The following AK7 variants were observed in gnomAD, a reference collection of about 807,000 sequenced individuals.
The protein encoded by AK7 is adenylate kinase 7.
AK7 carries 78 observed loss-of-function variants against 96.6 expected under a neutral mutation model. The observed-to-expected ratio is 0.81, with a 90% CI of 0.67 to 0.97. The LOEUF is 0.97. Ranked by LOEUF, AK7 falls within the 50% of genes least tolerant of loss-of-function variation. The probability of loss-of-function intolerance (pLI) is 0.00; values close to 1 mark genes in which losing one functional copy is unlikely to be tolerated. For missense variants in AK7, 855 were observed against 887.9 expected (o/e 0.96, Z 0.47); for synonymous variants, 302 against 317.2 (o/e 0.95, Z 0.51).
chr14:96,413,900 G>T (rs550927479), intron 4 of AK7, among the ~76,000 whole-genome samples: 2 of 152,310 alleles, frequency 1.3e-5, no homozygotes, highest in South Asian at 2.1e-4. Context: ...CACTGCCCAT[G>T]AAATCTAGAG....
At chr14:96,442,472 C>A (rs1893011089) in intron 6 of AK7, among the ~76,000 whole-genome samples, 1 of 151,976 alleles carries the variant, frequency 6.6e-6, no homozygotes, top group Non-Finnish European at 1.5e-5. Context: ...TTTCTCTTGG[C>A]AGAATTTGAT....
Position 96,484,503 on chromosome 14 carries a change from C to G in AK7, c.1974+1284C>G, listed in dbSNP as rs577100731. On this transcript the variant is annotated intron_variant, in intron 16 of 17. Coordinates refer to ENST00000267584, the MANE Select transcript of AK7 (RefSeq NM_152327.5). Reference sequence around the variant, plus strand: ...CAATTTGATAAAAATCCAAACTTGTCATTGTGGTCAAGGTCCTTTGTGACC... The same window carrying G: ...CAATTTGATAAAAATCCAAACTTGTGATTGTGGTCAAGGTCCTTTGTGACC... 2.0e-5 allele frequency among the ~76,000 whole-genome samples: 3 copies of G among 152,278 alleles called. No homozygotes were observed. The East Asian group carries it at 5.8e-4, about 29-fold the overall frequency.
At chr14:96,411,795 G>A (rs993272781) in intron 4 of AK7, among the ~76,000 whole-genome samples, 19 of 152,184 alleles carry the variant, frequency 1.2e-4, no homozygotes, top group Non-Finnish European at 2.2e-4. Context: ...GCATCCGTTC[G>A]AAGTCAGAGT....
At chr14:96,436,420 G>A (rs1470681930) in intron 5 of AK7, among the ~76,000 whole-genome samples, 1 of 152,088 alleles carries the variant, frequency 6.6e-6, no homozygotes, top group Admixed American at 6.6e-5. Flanking sequence ...CGAGGCAGGT[G>A]AATCACTTGA....
intron 4 of AK7, among the ~76,000 whole-genome samples, chr14:96,419,371 T>C (rs1258575859): frequency 6.6e-6 from 1 of 152,246 alleles, no homozygotes; most frequent in Non-Finnish European, 1.5e-5. Flanking sequence ...GGCTCATGCC[T>C]GTAATCCCAC....
At chr14:96,397,740 G>T (rs1379640403) in intron 1 of AK7, among the ~76,000 whole-genome samples, 1 of 152,168 alleles carries the variant, frequency 6.6e-6, no homozygotes, top group African/African-American at 2.4e-5. Flanking sequence ...AATAACCTAT[G>T]TGGCTCCTAT....
chr14:96,451,059 C>T (rs933362329), intron 9 of AK7, among the ~76,000 whole-genome samples: 3 of 152,112 alleles, frequency 2.0e-5, no homozygotes, highest in Non-Finnish European at 4.4e-5. Flanking sequence ...CAGGCATGAG[C>T]CACGGCACTC....
intron 12 of AK7, among the ~76,000 whole-genome samples, chr14:96,459,442 G>T (rs1894133736): frequency 6.6e-6 from 1 of 152,044 alleles, no homozygotes; most frequent in South Asian, 2.1e-4. Context: ...CAACCAATCA[G>T]TTGGTTGTCC....
chr14:96,430,095 G>A (rs1892260836), intron 5 of AK7, among the ~76,000 whole-genome samples: 1 of 151,954 alleles, frequency 6.6e-6, no homozygotes, highest in East Asian at 1.9e-4. Context: ...TATTGGCTGT[G>A]GGTTTGTCAT....
chr14:96,439,280 T>C (rs981321989), intron 6 of AK7, among the ~76,000 whole-genome samples: 1 of 151,654 alleles, frequency 6.6e-6, no homozygotes. Context: ...CCCTCCAATA[T>C]TGGAGGTTAT....
At chr14:96,459,703 C>G (rs1272588057) in intron 12 of AK7, among the ~76,000 whole-genome samples, 1 of 151,560 alleles carries the variant, frequency 6.6e-6, no homozygotes, top group Non-Finnish European at 1.5e-5. Context: ...GATGATGAAA[C>G]CCGTCTCTAC....
chr14:96,421,123 C>T (rs1891664822), intron 5 of AK7, among the ~76,000 whole-genome samples, 191 bp downstream of exon 5: 1 of 152,272 alleles, frequency 6.6e-6, no homozygotes, highest in South Asian at 2.1e-4. Flanking sequence ...CCCAGCCGAG[C>T]TTGAGCCATC....
intron 4 of AK7, among the ~76,000 whole-genome samples, chr14:96,418,566 T>A (rs924122522): frequency 6.6e-6 from 1 of 152,132 alleles, no homozygotes; most frequent in African/African-American, 2.4e-5. Context: ...TCGCCCAAGC[T>A]GGAGTGCAGT....
chr14:96,463,626 A>C (rs1254422247), intron 12 of AK7, among the ~76,000 whole-genome samples: 3 of 149,990 alleles, frequency 2.0e-5, no homozygotes, highest in South Asian at 2.1e-4. Context: ...AGGCTGAGGC[A>C]GGAGAATGGT....
At chr14:96,406,057 AT>A (rs5810770) in intron 3 of AK7, among the ~76,000 whole-genome samples, 92,437 of 146,370 alleles carry the variant, frequency 0.63, 28,758 homozygotes, top group African/African-American at 0.69. Flanking sequence ...AAGCAACCTC[AT>A]TTTTTTTTTT....
intron 13 of AK7, among the ~76,000 whole-genome samples, chr14:96,472,315 C>T (rs1350583481): frequency 6.6e-6 from 1 of 152,176 alleles, no homozygotes; most frequent in Non-Finnish European, 1.5e-5. Context: ...GCGTGCATGA[C>T]CACGCCCGAC....
intron 7 of AK7, among the ~76,000 whole-genome samples, chr14:96,443,687 C>T (rs1184977686): frequency 6.6e-6 from 1 of 151,850 alleles, no homozygotes; most frequent in East Asian, 1.9e-4. Flanking sequence ...TTCCCTGGGC[C>T]ACATTGGAAG....
rs778966873 is a variant in AK7, at chr14:96,449,861, C to T, written c.930C>T (p.Tyr310=). Residue 310 remains tyrosine (Y), a synonymous_variant, in exon 9 of 18, where the codon TAC becomes TAT. Coordinates refer to ENST00000267584, the MANE Select transcript of AK7 (RefSeq NM_152327.5). ...AGAAAATACCCAGAGAAAATGCATA[C>T]CTAACCAAGGACTTAACGGTTAGTA... ...KIQKIPRENA[Y]LTKDLTQDCL... is the part of the protein sequence containing the mutation. 6.2e-7 allele frequency: 1 copy of T among 1,609,218 alleles called. No individual in the cohort carries two copies. Among genetic ancestry groups the T allele is most frequent in the Non-Finnish European group, 8.5e-7 (1 of 1,177,586 alleles).
At chr14:96,462,744 A>G (rs555552036) in intron 12 of AK7, among the ~76,000 whole-genome samples, 1 of 152,194 alleles carries the variant, frequency 6.6e-6, no homozygotes, top group South Asian at 2.1e-4. Context: ...TGATGTCTCT[A>G]CTGTACATGG....
Sources: allele counts gnomAD v4.1 joint callset (sites outside exome capture counted in the v4.1 genomes callset), GRCh38; gene constraint gnomAD v4.1.1; transcripts MANE v1.5; gene names NCBI Gene and HGNC (gene_info 2026-07-23, HGNC 2026-07-21).